Variants in NPAS3 observed in about 807,000 individuals in gnomAD.
The protein encoded by NPAS3 is neuronal PAS domain-containing protein 3.
NPAS3 carries 14 observed loss-of-function variants against 73.1 expected under a neutral mutation model. The ratio of observed to expected loss-of-function variants is 0.19; its 90% CI spans 0.13 to 0.30. NPAS3 has a LOEUF of 0.30. NPAS3 is among the 10% of genes least tolerant of loss of function. NPAS3 has a pLI of 1.00. For missense variants in NPAS3, 1,096 were observed against 1,250.0 expected (o/e 0.88, Z 1.86); for synonymous variants, 620 against 541.5 (o/e 1.14, Z -2.01).
At chr14:33,776,476 T>C (rs1478208794) in intron 8 of NPAS3, among the ~76,000 whole-genome samples, 2 of 128,828 alleles carry the variant, frequency 1.6e-5, no homozygotes, top group African/African-American at 3.0e-5. Context: ...ACTCTAGTAA[T>C]TGAGATCATT....
intron 2 of NPAS3, among the ~76,000 whole-genome samples, chr14:33,208,539 T>G (rs2046914599): frequency 6.6e-6 from 1 of 152,192 alleles, no homozygotes; most frequent in African/African-American, 2.4e-5. Context: ...AGAGTATATC[T>G]TAGTTTAAAA....
upstream of NPAS3, chr14:32,939,192 G>C (rs2035852212): frequency 3.4e-6 from 1 of 296,942 alleles, no homozygotes; most frequent in Non-Finnish European, 6.6e-6. Flanking sequence ...GGGCAGCCCA[G>C]AGCGCCGCGC....
rs150666490 is a variant in NPAS3, at chr14:33,725,169, C to T, written c.734-10045C>T. Among the ~76,000 whole-genome samples, 135 of 152,122 alleles carry T rather than the reference C, an allele frequency of 8.9e-4. 1 individual carries two copies. The East Asian group carries it at 0.014, about 16-fold the overall frequency. Reference sequence around the variant, plus strand: ...TATGGTTATTACCTAATGTAAATGACGAGTTAATGGGTGCAGCATACCAAC... The same window carrying T: ...TATGGTTATTACCTAATGTAAATGATGAGTTAATGGGTGCAGCATACCAAC... On this transcript the variant is annotated intron_variant, in intron 6 of 11. Coordinates refer to ENST00000356141, the Ensembl canonical transcript of NPAS3.
At chr14:33,262,877 T>C (rs1013067681) in intron 3 of NPAS3, among the ~76,000 whole-genome samples, 3 of 152,344 alleles carry the variant, frequency 2.0e-5, no homozygotes, top group Admixed American at 2.0e-4. Flanking sequence ...TGGCCAGTGA[T>C]GATGAGCATT....
intron 7 of NPAS3, among the ~76,000 whole-genome samples, chr14:33,757,648 A>C (rs1327840694): frequency 6.6e-6 from 1 of 152,244 alleles, no homozygotes; most frequent in Non-Finnish European, 1.5e-5. Context: ...GGATATACCA[A>C]GAAGTAAGAA....
intron 4 of NPAS3, among the ~76,000 whole-genome samples, chr14:33,510,084 C>T (rs2052972378): frequency 6.6e-6 from 1 of 152,054 alleles, no homozygotes; most frequent in Non-Finnish European, 1.5e-5. Context: ...TCAGGACATG[C>T]TCCTCCATAA....
chr14:33,244,327 T>C (rs2048308013), intron 3 of NPAS3, among the ~76,000 whole-genome samples: 1 of 152,166 alleles, frequency 6.6e-6, no homozygotes, highest in Non-Finnish European at 1.5e-5. Context: ...TGTTTTTAAG[T>C]AGTTACTTAA....
intron 4 of NPAS3, among the ~76,000 whole-genome samples, chr14:33,559,911 C>G (rs192069449): frequency 6.6e-6 from 1 of 150,856 alleles, no homozygotes; most frequent in East Asian, 2.0e-4. Context: ...CCCAGCTACT[C>G]GGGAGGCTAA....
chr14:33,184,564 C>T (rs750629413), intron 2 of NPAS3, among the ~76,000 whole-genome samples: 6 of 152,004 alleles, frequency 3.9e-5, no homozygotes, highest in Admixed American at 1.3e-4. Context: ...AGGATTAGAG[C>T]GGGGCCAGTG....
intron 4 of NPAS3, among the ~76,000 whole-genome samples, chr14:33,386,668 A>G (rs1234764588): frequency 1.3e-5 from 2 of 152,170 alleles, no homozygotes; most frequent in South Asian, 2.1e-4. Flanking sequence ...TTGGAGGCTC[A>G]GAAGTTTCCA....
At chr14:33,700,989 G>A (rs1204885829) in intron 6 of NPAS3, among the ~76,000 whole-genome samples, 1 of 152,228 alleles carries the variant, frequency 6.6e-6, no homozygotes, top group Admixed American at 6.5e-5. Flanking sequence ...TGACTTTAGT[G>A]GAGCTTATAG....
At chr14:33,024,862 C>T (rs1213483226) in intron 1 of NPAS3, among the ~76,000 whole-genome samples, 1 of 152,130 alleles carries the variant, frequency 6.6e-6, no homozygotes, top group Non-Finnish European at 1.5e-5. Flanking sequence ...ACCAAACATG[C>T]AGAAAATGGA....
chr14:33,346,717 G>A (rs180688657), intron 3 of NPAS3, among the ~76,000 whole-genome samples: 1 of 152,196 alleles, frequency 6.6e-6, no homozygotes, highest in Admixed American at 6.5e-5. Context: ...AGTCCGCAAA[G>A]CCTGTATACC....
intron 5 of NPAS3, among the ~76,000 whole-genome samples, chr14:33,665,117 T>C (rs1449775538): frequency 6.6e-6 from 1 of 152,186 alleles, no homozygotes; most frequent in African/African-American, 2.4e-5. Context: ...CAGATGCCCA[T>C]CGATGATAGG....
intron 4 of NPAS3, among the ~76,000 whole-genome samples, chr14:33,537,976 A>G (rs993184651): frequency 6.6e-6 from 1 of 152,178 alleles, no homozygotes; most frequent in Non-Finnish European, 1.5e-5. Context: ...TTAATTATCA[A>G]CAGAGCTTTA....
intron 2 of NPAS3, among the ~76,000 whole-genome samples, chr14:33,203,117 A>T (rs945969031): frequency 7.9e-5 from 12 of 152,246 alleles, no homozygotes; most frequent in Non-Finnish European, 4.4e-5. Flanking sequence ...TACTTTTCAG[A>T]TAAAGACATT....
At chr14:33,371,629 C>T (rs2046092743) in intron 4 of NPAS3, among the ~76,000 whole-genome samples, 1 of 152,034 alleles carries the variant, frequency 6.6e-6, no homozygotes, top group African/African-American at 2.4e-5. Context: ...CATTTTCCTG[C>T]TATTGAGTAT....
At chr14:33,777,523 T>C (rs185890417) in intron 8 of NPAS3, among the ~76,000 whole-genome samples, 59 of 152,060 alleles carry the variant, frequency 3.9e-4, no homozygotes, top group African/African-American at 1.4e-3. Context: ...TTCTAAAGAT[T>C]TACTTCATAT....
At chr14:33,520,271 G>T in intron 4 of NPAS3, among the ~76,000 whole-genome samples, 1 of 152,122 alleles carries the variant, frequency 6.6e-6, no homozygotes, top group East Asian at 1.9e-4. Context: ...CGTTTCAGTG[G>T]TGTGTGGGGT....
Sources: gnomAD v4.1 joint callset for allele counts (sites outside exome capture counted in the v4.1 genomes callset) on GRCh38, gnomAD v4.1.1 for gene constraint, MANE v1.5 for transcripts, NCBI Gene and HGNC (gene_info 2026-07-23, HGNC 2026-07-21) for gene names.